Variants in ZFYVE1 observed in about 807,000 individuals in gnomAD.
ZFYVE1 encodes zinc finger FYVE-type containing 1.
In ZFYVE1, 30 loss-of-function variants were observed where a neutral mutation model predicts 74.4. That is an observed-to-expected ratio of 0.40 (90% confidence interval 0.30 to 0.55). ZFYVE1 has a LOEUF of 0.55. Among genes scored for constraint, ZFYVE1 ranks in the 20% least tolerant of loss-of-function variants. The probability of loss-of-function intolerance (pLI) is 0.42; values close to 1 mark genes in which losing one functional copy is unlikely to be tolerated. For synonymous variants in ZFYVE1, 335 were observed against 385.1 expected, an observed-to-expected ratio of 0.87 and a Z score of 1.52; for missense variants, 703 against 1,011.6, an observed-to-expected ratio of 0.69 and a Z score of 4.14.
At position 73,017,932 on chromosome 14, in the gene ZFYVE1, C is replaced by T. The variant is rs1251208718; in HGVS notation, c.483+6094G>A. ...TCACCCTTAAAATAAAATCCACTTA[C>T]TTCTACAGCCTGCACGGCCTCCCAT... On this transcript the variant is annotated intron_variant, in intron 2 of 11. Transcript: ENST00000556143. Among the ~76,000 whole-genome samples the T allele has an allele frequency of 5.9e-5, 9 of 152,312 alleles. No individual in the cohort carries two copies. The East Asian group carries it at 1.5e-3, about 26-fold the overall frequency.
intron 2 of ZFYVE1, among the ~76,000 whole-genome samples, chr14:72,998,754 G>A (rs1893806748): frequency 6.6e-6 from 1 of 151,866 alleles, no homozygotes; most frequent in Non-Finnish European, 1.5e-5. Flanking sequence ...AGGAGGCTGA[G>A]GAGGGAGGAT....
intron 2 of ZFYVE1, among the ~76,000 whole-genome samples, chr14:73,002,449 TTTG>T (rs988060937): frequency 5.4e-4 from 55 of 102,332 alleles, no homozygotes; most frequent in African/African-American, 2.0e-3. Flanking sequence ...TGGTTTTGGT[TTTG>T]TTTTTTTTGA....
At position 72,998,043 on chromosome 14, in the gene ZFYVE1, C is replaced by T. The variant is rs1282604055; in HGVS notation, c.756G>A (p.Leu252=). The T allele has an allele frequency of 6.2e-7, 1 of 1,613,996 alleles. No individual in the cohort carries two copies. The highest frequency in any genetic ancestry group is 1.3e-5 in the African/African-American group (1 of 74,906). The change falls in exon 3 of 12, where the codon CTG becomes CTA. Residue 252 remains leucine, a synonymous_variant. Transcript: ENST00000556143. ...ATVNLSQRTR[L]LLKVLAISDL... ...CTGAGATGGCCAGGACCTTAAGCAG[C>T]AGCCGTGTTCTCTGGCTTAGATTCA... is the stretch of plus-strand genomic sequence containing the variant.
At chr14:72,994,187 G>C (rs1297192237) in intron 3 of ZFYVE1, among the ~76,000 whole-genome samples, 2 of 150,710 alleles carry the variant, frequency 1.3e-5, no homozygotes, top group African/African-American at 4.9e-5. Flanking sequence ...GTCGGGCCTA[G>C]TGGTGCACGC....
At position 72,993,251 on chromosome 14, in the gene ZFYVE1, G is replaced by T. The variant is rs751790686; in HGVS notation, c.1095C>A (p.Tyr365Ter). 1 of 1,613,926 alleles carries T rather than the reference G, an allele frequency of 6.2e-7. No individual in the cohort carries two copies. Among genetic ancestry groups the T allele is most frequent in the Non-Finnish European group, 8.5e-7 (1 of 1,179,992 alleles). ...GCCCAGAAAAGTCCGTGGGAGGGTTGTAAGTCCTCGTTCCCTTGTAGTGAA... is the reference window on the plus strand; with the variant it reads ...GCCCAGAAAAGTCCGTGGGAGGGTTTTAAGTCCTCGTTCCCTTGTAGTGAA... Reference protein sequence around the residue: ...SSIHYKGTRTYNPPTDFSGLR... With the variant: ...SSIHYKGTRT The change falls in exon 4 of 12, where the codon TAC becomes TAA. Residue 365 changes from tyrosine to a stop codon, truncating the protein, a stop_gained. Coordinates refer to ENST00000556143, the MANE Select transcript of ZFYVE1 (RefSeq NM_021260.4). LOFTEE classifies it high-confidence loss of function.
intron 2 of ZFYVE1, among the ~76,000 whole-genome samples, chr14:73,013,437 G>A (rs1466144639): frequency 6.6e-6 from 1 of 151,922 alleles, no homozygotes; most frequent in Admixed American, 6.6e-5. Context: ...ATGAAACCCC[G>A]TCTCCACTAA....
At chr14:72,971,150 C>T (rs1207966338) in intron 11 of ZFYVE1, 36 bp from the exon 12 acceptor site, 2 of 1,609,760 alleles carry the variant, frequency 1.2e-6, no homozygotes, top group Admixed American at 1.7e-5. Context: ...CACCCAAAGC[C>T]CAATACCCCG....
intron 8 of ZFYVE1, among the ~76,000 whole-genome samples, chr14:72,977,428 A>G (rs935715128): frequency 1.3e-5 from 2 of 152,128 alleles, no homozygotes; most frequent in African/African-American, 2.4e-5. Flanking sequence ...AAAAAAAAAG[A>G]TTAAGCGTCT....
In ZFYVE1 at chr14:72,975,788, G is replaced by A. The variant is rs546964769; in HGVS notation, c.1636-67C>T. 1 of 1,572,470 alleles carries A rather than the reference G, an allele frequency of 6.4e-7. No homozygotes were observed. Among genetic ancestry groups the A allele is most frequent in the African/African-American group, 1.3e-5 (1 of 74,284 alleles). ...AGTGAAAGGAAGGAGGAAGAGGGAT[G>A]TTTGGTGAGTTGCACACTCACCGTG... is the stretch of plus-strand genomic sequence containing the variant. On this transcript the variant is annotated intron_variant, in intron 8 of 11. Coordinates refer to ENST00000556143, the MANE Select transcript of ZFYVE1 (RefSeq NM_021260.4). This position sits in a 1 kb window ranked among gnomAD's most constrained non-coding sequence, Gnocchi z 4.1.
chr14:73,023,251 TTATATGTTTTATATATAATATATATTATA>T lies in ZFYVE1; in HGVS notation c.483+746_483+774del, dbSNP rs1473890331. On this transcript the variant is annotated intron_variant, in intron 2 of 11. Transcript: ENST00000556143. ...ATATGTTTTATATGTAATATATATA[TTATATGTTTTATATATAATATATATTATA>T]TATGTTTTATATATAATATATATTA... Among the ~76,000 whole-genome samples the T allele has an allele frequency of 7.7e-4, 72 of 93,232 alleles. 4 individuals are homozygous for T. Among genetic ancestry groups the T allele is most frequent in the African/African-American group, 2.9e-3 (70 of 23,924 alleles). The allele number at this position is 93,232 out of a possible 152,430, so 61.2% of individuals were successfully genotyped here. A position where few individuals can be genotyped will look rare whatever the true frequency, so the allele number is the denominator to read the frequency against.
At chr14:73,012,267 C>T (rs532747382) in intron 2 of ZFYVE1, among the ~76,000 whole-genome samples, 2 of 152,072 alleles carry the variant, frequency 1.3e-5, no homozygotes, top group East Asian at 3.9e-4. Flanking sequence ...TTATAGTGCA[C>T]CCAATGACCT....
At position 73,024,041 on chromosome 14, in the gene ZFYVE1, T is replaced by A. The variant is rs1180929067; in HGVS notation, c.468A>T (p.Glu156Asp). ...EKVVSFLLVD[E>D]NEEIQVTNEE... Reference sequence around the variant, plus strand: ...GTGTGCTTACCTGAATTTCTTCATTTTCGTCTACTAGGAGGAAACTCACAA... The same window carrying A: ...GTGTGCTTACCTGAATTTCTTCATTATCGTCTACTAGGAGGAAACTCACAA... Residue 156 changes from glutamate to aspartate, a missense_variant, in exon 2 of 12, where the codon GAA (glutamate) becomes GAT (aspartate). This residue lies in a region of ZFYVE1 where 211 missense variants were observed against 221.7 expected (regional missense o/e 0.95). Transcript: ENST00000556143. 6.2e-7 allele frequency: 1 copy of A among 1,613,768 alleles called. No individual in the cohort carries two copies. Among genetic ancestry groups the A allele is most frequent in the African/African-American group, 1.3e-5 (1 of 74,868 alleles).
intron 2 of ZFYVE1, among the ~76,000 whole-genome samples, chr14:73,019,126 A>C (rs1894261985): frequency 6.6e-6 from 1 of 152,166 alleles, no homozygotes; most frequent in South Asian, 2.1e-4. Context: ...TGACAAGGTA[A>C]TGATAAAATG....
At chr14:72,983,619 G>T (rs62373734) in intron 4 of ZFYVE1, among the ~76,000 whole-genome samples, 1 of 151,972 alleles carries the variant, frequency 6.6e-6, no homozygotes, top group African/African-American at 2.4e-5. Flanking sequence ...CATTTGGGTT[G>T]GTTCCAAGTC....
At chr14:72,991,259 G>A (rs1594843771) in intron 4 of ZFYVE1, among the ~76,000 whole-genome samples, 2 of 147,106 alleles carry the variant, frequency 1.4e-5, no homozygotes, top group South Asian at 2.1e-4. Context: ...GCGCCATCTC[G>A]GCTCACTGCA....
intron 3 of ZFYVE1, among the ~76,000 whole-genome samples, chr14:72,994,273 G>A: frequency 7.5e-6 from 1 of 132,722 alleles, no homozygotes; most frequent in Admixed American, 8.3e-5. Context: ...CAGTGAGCCG[G>A]GATCGCACCA....
intron 11 of ZFYVE1, 108 bp downstream of exon 11, chr14:72,973,972 C>A: frequency 1.2e-6 from 1 of 852,800 alleles, no homozygotes; most frequent in East Asian, 2.6e-5. Context: ...ATTCCTTTAC[C>A]ACCCATCTCA....
rs141528264 is a variant in ZFYVE1 at position 72,974,093 on chromosome 14, A to G, written c.2088T>C (p.Ile696=). 18 of 1,613,924 alleles carry G rather than the reference A, an allele frequency of 1.1e-5. No homozygotes were observed. Among genetic ancestry groups the G allele is most frequent in the Middle Eastern group, 1.6e-4 (1 of 6,084 alleles). The part of the protein sequence containing the change: ...QNTLGAVVTA[I]DIPLGLVKDA... ...TGCCAGGCCCACCTAGTGGTATGTCAATGGCTGTCACCACGGCTCCCAGAG... is the reference window on the plus strand; with the variant it reads ...TGCCAGGCCCACCTAGTGGTATGTCGATGGCTGTCACCACGGCTCCCAGAG... Residue 696 remains isoleucine, a synonymous_variant, in exon 11 of 12, where the codon ATT becomes ATC. Coordinates refer to ENST00000556143, the MANE Select transcript of ZFYVE1 (RefSeq NM_021260.4).
At chr14:73,005,196 CAGCCT>C (rs76198588) in intron 2 of ZFYVE1, among the ~76,000 whole-genome samples, 8,556 of 152,088 alleles carry the variant, frequency 0.056, 320 homozygotes, top group Non-Finnish European at 0.089. Flanking sequence ...AAGGAGAGAA[CAGCCT>C]AGCCTAGGTG....
Sources: allele counts gnomAD v4.1 joint callset (sites outside exome capture counted in the v4.1 genomes callset), GRCh38; gene constraint gnomAD v4.1.1; regional missense constraint gnomAD v4.1.1; non-coding constraint Gnocchi (gnomAD v3.1); transcripts MANE v1.5; gene names NCBI Gene and HGNC (gene_info 2026-07-23, HGNC 2026-07-21).